CACNA1E: variants seen among roughly 807,000 people sequenced by gnomAD.
CACNA1E encodes the protein calcium voltage-gated channel subunit alpha1 E.
CACNA1E carries 40 observed loss-of-function variants against 259.2 expected under a neutral mutation model. The observed-to-expected ratio is 0.15, with a 90% CI of 0.12 to 0.20. CACNA1E has a LOEUF of 0.20. Ranked by LOEUF, CACNA1E falls within the 10% of genes least tolerant of loss-of-function variation. CACNA1E has a pLI of 1.00. For missense variants in CACNA1E, 1,874 were observed against 3,040.1 expected, an observed-to-expected ratio of 0.62 and a Z score of 9.02; for synonymous variants, 1,104 against 1,138.5, an observed-to-expected ratio of 0.97 and a Z score of 0.61.
chr1:181,604,662 C>T (rs571727718), intron 6 of CACNA1E, among the ~76,000 whole-genome samples: 15 of 152,318 alleles, frequency 9.8e-5, no homozygotes, highest in South Asian at 6.2e-4. Flanking sequence ...GTCACAATTC[C>T]TGTGGGACTG....
chr1:181,759,395 C>CTA (rs1553347283), intron 32 of CACNA1E, among the ~76,000 whole-genome samples: 2 of 146,886 alleles, frequency 1.4e-5, no homozygotes, highest in African/African-American at 5.1e-5. Context: ...AGGGGTGTGT[C>CTA]TGTGTGTGTG....
intron 6 of CACNA1E, among the ~76,000 whole-genome samples, chr1:181,628,534 C>G (rs776413810): frequency 4.6e-5 from 7 of 152,102 alleles, no homozygotes; most frequent in African/African-American, 1.7e-4. Flanking sequence ...GTGTTGATGT[C>G]AAGATTAACT....
intron 1 of CACNA1E, among the ~76,000 whole-genome samples, chr1:181,360,597 G>A (rs1054971579): frequency 2.6e-5 from 4 of 152,162 alleles, no homozygotes; most frequent in Non-Finnish European, 4.4e-5. Context: ...GACTACTCAC[G>A]GGTACAACAG....
intron 7 of CACNA1E, among the ~76,000 whole-genome samples, chr1:181,684,335 T>G (rs1650293735): frequency 6.6e-6 from 1 of 152,150 alleles, no homozygotes; most frequent in Non-Finnish European, 1.5e-5. Flanking sequence ...GCTTGTTTGG[T>G]TTTCACTGTT....
intron 1 of CACNA1E, among the ~76,000 whole-genome samples, chr1:181,403,132 TA>T (rs1209259775): frequency 4.6e-5 from 7 of 152,260 alleles, no homozygotes; most frequent in African/African-American, 1.7e-4. Context: ...TGTGTGATCC[TA>T]ACCTCGGGAA....
chr1:181,747,430 T>A (rs1437181257), intron 25 of CACNA1E, among the ~76,000 whole-genome samples: 7 of 146,702 alleles, frequency 4.8e-5, no homozygotes, highest in African/African-American at 1.5e-4. Flanking sequence ...CTTTTACTGA[T>A]GAAACAAGAA....
At chr1:181,522,453 A>G (rs1430730345) in intron 3 of CACNA1E, among the ~76,000 whole-genome samples, 1 of 152,156 alleles carries the variant, frequency 6.6e-6, no homozygotes, top group African/African-American at 2.4e-5. Flanking sequence ...ACATTGCTAT[A>G]TGATTATTAT....
chr1:181,584,181 G>A (rs1572283845), intron 6 of CACNA1E, among the ~76,000 whole-genome samples: 3 of 152,276 alleles, frequency 2.0e-5, no homozygotes, highest in African/African-American at 7.2e-5. Context: ...GAGGTTCCCA[G>A]TCCCTGTCTG....
intron 3 of CACNA1E, among the ~76,000 whole-genome samples, chr1:181,540,944 G>A (rs1019264354): frequency 1.3e-5 from 2 of 152,172 alleles, no homozygotes; most frequent in Non-Finnish European, 2.9e-5. Flanking sequence ...TTGTAACGTG[G>A]TATTCAAATG....
intron 8 of CACNA1E, among the ~76,000 whole-genome samples, chr1:181,714,005 C>T (rs1470403400): frequency 1.3e-5 from 2 of 152,130 alleles, no homozygotes; most frequent in African/African-American, 4.8e-5. Context: ...ATCAACCAGT[C>T]CTTCAGTTCT....
At chr1:181,336,813 T>G (rs1651746616) in intron 1 of CACNA1E, among the ~76,000 whole-genome samples, 1 of 152,030 alleles carries the variant, frequency 6.6e-6, no homozygotes, top group Non-Finnish European at 1.5e-5. Flanking sequence ...ATAAGTAACA[T>G]CCTACAGTAT....
At chr1:181,590,125 C>T (rs908644051) in intron 6 of CACNA1E, among the ~76,000 whole-genome samples, 1 of 152,098 alleles carries the variant, frequency 6.6e-6, no homozygotes. Context: ...TTGGCCACAG[C>T]GAAGCTTCAG....
intron 7 of CACNA1E, among the ~76,000 whole-genome samples, chr1:181,676,578 TTGAATGAA>T (rs1309058330): frequency 6.6e-6 from 1 of 152,110 alleles, no homozygotes; most frequent in Non-Finnish European, 1.5e-5. Flanking sequence ...TTAATATATG[TTGAATGAA>T]TGAGTGCTTA....
chr1:181,574,793 G>A (rs543516658), intron 3 of CACNA1E, among the ~76,000 whole-genome samples: 3 of 152,258 alleles, frequency 2.0e-5, no homozygotes, highest in South Asian at 2.1e-4. Context: ...TTGGGAGGCC[G>A]AGGCAGGCGG....
chr1:181,499,084 C>G (rs1665024898), intron 1 of CACNA1E, among the ~76,000 whole-genome samples: 2 of 152,160 alleles, frequency 1.3e-5, no homozygotes, highest in Non-Finnish European at 2.9e-5. Context: ...TGCTGGAGAA[C>G]TTTGTGAAAT....
At chr1:181,325,701 G>A (rs772281575) in intron 1 of CACNA1E, among the ~76,000 whole-genome samples, 1 of 150,196 alleles carries the variant, frequency 6.7e-6, no homozygotes, top group African/African-American at 2.5e-5. Context: ...ATTATTTTTG[G>A]TGTGTCTAGG....
chr1:181,793,564 CTT>C, intron 44 of CACNA1E, 99 bp from the exon 45 acceptor site: 1 of 1,311,138 alleles, frequency 7.6e-7, no homozygotes, highest in Non-Finnish European at 1.0e-6. Context: ...GCAAGTCTCT[CTT>C]TTGAAAGCCA....
chr1:181,560,631 C>T (rs1649230294), intron 3 of CACNA1E, among the ~76,000 whole-genome samples: 2 of 152,118 alleles, frequency 1.3e-5, no homozygotes, highest in South Asian at 2.1e-4. Flanking sequence ...CTGTGGAAAA[C>T]CAGTATGGCA....
chr1:181,318,172 C>T (rs1027326113), intron 1 of CACNA1E: 5 of 152,178 alleles, frequency 3.3e-5, no homozygotes, highest in African/African-American at 1.2e-4. Flanking sequence ...TTGCGCCCCG[C>T]ATGCACTGCC....
Sources: allele counts gnomAD v4.1 joint callset (sites outside exome capture counted in the v4.1 genomes callset), GRCh38; gene constraint gnomAD v4.1.1; transcripts MANE v1.5; gene names NCBI Gene and HGNC (gene_info 2026-07-23, HGNC 2026-07-21).